TRIQK: variants seen among roughly 807,000 people sequenced by gnomAD.
TRIQK encodes the protein triple QxxK/R motif containing, also known as triple QxxK/R motif-containing protein.
TRIQK carries 10 observed loss-of-function variants against 10.8 expected under a neutral mutation model. The observed-to-expected ratio is 0.92, with a 90% CI of 0.57 to 1.57. The LOEUF (loss-of-function observed/expected upper bound fraction) is 1.57. TRIQK is among the 40% of genes most tolerant of loss of function. The probability of loss-of-function intolerance (pLI) is 0.00; values close to 1 mark genes in which losing one functional copy is unlikely to be tolerated. For synonymous variants in TRIQK, 33 were observed against 33.7 expected, an observed-to-expected ratio of 0.98 and a Z score of 0.07; for missense variants, 107 against 97.7, an observed-to-expected ratio of 1.09 and a Z score of -0.40.
chr8:92,900,460 A>T (rs1456799815), intron 3 of TRIQK, among the ~76,000 whole-genome samples: 1 of 152,126 alleles, frequency 6.6e-6, no homozygotes, highest in East Asian at 1.9e-4. Context: ...CTGAATATAG[A>T]TATCCAGTTT....
intron 3 of TRIQK, among the ~76,000 whole-genome samples, chr8:92,904,294 T>C (rs564755720): frequency 2.8e-4 from 42 of 152,242 alleles, no homozygotes; most frequent in South Asian, 2.3e-3. Context: ...GCTATTTTGT[T>C]AATGAGTGTG....
intron 1 of TRIQK, among the ~76,000 whole-genome samples, chr8:92,995,479 A>G (rs1813144184): frequency 6.6e-6 from 1 of 151,256 alleles, no homozygotes; most frequent in Non-Finnish European, 1.5e-5. Flanking sequence ...GTATTTTTCC[A>G]TTTTTTTCTT....
intron 1 of TRIQK, among the ~76,000 whole-genome samples, chr8:93,000,882 TA>T (rs60359673): frequency 3.8e-3 from 463 of 122,046 alleles, no homozygotes; most frequent in African/African-American, 5.9e-3. Context: ...CACAAAGGAT[TA>T]AAAAAAAAAA....
chr8:92,886,564 G>A lies in TRIQK; in HGVS notation c.*58C>T, dbSNP rs1816487452. On this transcript the variant is annotated 3_prime_UTR_variant, in exon 5 of 5. Coordinates refer to ENST00000521988, the MANE Select transcript of TRIQK (RefSeq NM_001171797.2). ...TTACAGTTTCAGTATTGAAAGTTTT[G>A]GTCCCAAAAGGTGCTTTCGTAAAGT... The A allele has an allele frequency of 2.1e-6, 2 of 974,158 alleles. No individual in the cohort carries two copies. Among genetic ancestry groups the A allele is most frequent in the Non-Finnish European group, 3.0e-6 (2 of 668,412 alleles). The allele number at this position is 974,158 out of a possible 1,614,324, so 60.3% of individuals were successfully genotyped here. A position where few individuals can be genotyped will look rare whatever the true frequency, so the allele number is the denominator to read the frequency against.
rs1254256186 is a variant in TRIQK at position 92,960,965 on chromosome 8, T to A, written c.-181+5042A>T. ...TTTTGTTTTCTCTTACTATCTTCTC[T>A]CTGACACTTCATCACTGTCTGTTAT... On this transcript the variant is annotated intron_variant, in intron 1 of 4. Transcript: ENST00000521988. 2.0e-5 allele frequency among the ~76,000 whole-genome samples: 3 copies of A among 152,328 alleles called. No homozygotes were observed. In the East Asian group the frequency reaches 5.8e-4, roughly 29 times the overall value.
chr8:92,887,804 T>C (rs1816563293), intron 4 of TRIQK, among the ~76,000 whole-genome samples: 1 of 151,698 alleles, frequency 6.6e-6, no homozygotes, highest in African/African-American at 2.4e-5. Flanking sequence ...TTTACATGAA[T>C]GTTGAATTTA....
At chr8:92,943,104 T>A (rs1469510773) in intron 2 of TRIQK, among the ~76,000 whole-genome samples, 2 of 150,378 alleles carry the variant, frequency 1.3e-5, no homozygotes, top group Non-Finnish European at 3.0e-5. Context: ...CACTTAGTAA[T>A]AAATTTAACC....
At chr8:92,898,099 G>A (rs139350495) in intron 3 of TRIQK, among the ~76,000 whole-genome samples, 1 of 152,216 alleles carries the variant, frequency 6.6e-6, no homozygotes, top group East Asian at 1.9e-4. Context: ...CACTAGTAAT[G>A]ATGCTTCAGG....
chr8:92,980,366 G>GGTGT (rs140764225), intron 1 of TRIQK, among the ~76,000 whole-genome samples: 4,603 of 150,560 alleles, frequency 0.031, 109 homozygotes, highest in South Asian at 0.049. Flanking sequence ...GGCATATGGG[G>GGTGT]GTGTGTGTGT....
chr8:92,955,531 A>C (rs754906356), intron 1 of TRIQK, among the ~76,000 whole-genome samples: 2 of 151,782 alleles, frequency 1.3e-5, no homozygotes, highest in Non-Finnish European at 3.0e-5. Context: ...AGTCTCTTAG[A>C]TACAACACCA....
rs569691545 is a variant in TRIQK, at chr8:93,005,610, C to G, written c.-181+11999G>C. Among the ~76,000 whole-genome samples, 30 of 152,078 alleles carry G rather than the reference C, an allele frequency of 2.0e-4. No homozygotes were observed. The South Asian group carries it at 5.0e-3, about 25-fold the overall frequency. On this transcript the variant is annotated intron_variant, in intron 1 of 4. Coordinates refer to the TRIQK transcript ENST00000520686. ...AAGCATTTAACAAAACTCAACATCC[C>G]TTCACAATAAAATCTCTCAACAAAT...
chr8:92,954,037 T>G (rs891753611), intron 2 of TRIQK: 1 of 151,884 alleles, frequency 6.6e-6, no homozygotes, highest in Non-Finnish European at 1.5e-5. Flanking sequence ...AACCAATACA[T>G]AATTATCAAA....
At chr8:92,965,576 T>TA (rs1287645639) in intron 1 of TRIQK, 1 of 152,150 alleles carries the variant, frequency 6.6e-6, no homozygotes, top group Non-Finnish European at 1.5e-5. Flanking sequence ...CGACCGCGAG[T>TA]AATCGGTCAG....
At chr8:92,891,948 A>AT in intron 4 of TRIQK, 41 bp downstream of exon 4, 1 of 1,350,302 alleles carries the variant, frequency 7.4e-7, no homozygotes, top group East Asian at 2.5e-5. Context: ...ATGAAATGGC[A>AT]TGCACATATC....
intron 2 of TRIQK, among the ~76,000 whole-genome samples, chr8:92,946,839 C>T (rs184657877): frequency 6.6e-6 from 1 of 151,254 alleles, no homozygotes; most frequent in African/African-American, 2.4e-5. Flanking sequence ...CGGCTCACTG[C>T]GAGCTCCGCC....
chr8:92,975,916 T>C, intron 1 of TRIQK, among the ~76,000 whole-genome samples: 1 of 152,134 alleles, frequency 6.6e-6, no homozygotes. Flanking sequence ...ATTTCTGATA[T>C]GACTAATGGG....
chr8:92,915,959 ATATT>A (rs545656578), intron 3 of TRIQK, among the ~76,000 whole-genome samples: 1 of 151,878 alleles, frequency 6.6e-6, no homozygotes, highest in Non-Finnish European at 1.5e-5. Context: ...TCAATTATTT[ATATT>A]TATTTTCTGA....
intron 2 of TRIQK, among the ~76,000 whole-genome samples, chr8:92,944,372 CAAAT>C (rs1405242333): frequency 6.7e-6 from 1 of 149,066 alleles, no homozygotes; most frequent in African/African-American, 2.5e-5. Context: ...TATTCAAAAA[CAAAT>C]AAAATCAGTT....
At chr8:92,917,045 A>T (rs1477652591) in intron 2 of TRIQK, 35 bp from the exon 3 acceptor site, 6 of 1,334,452 alleles carry the variant, frequency 4.5e-6, no homozygotes, top group Non-Finnish European at 6.0e-6. Context: ...AAATTTTTTT[A>T]AAAAGGAGTG....
Sources: allele counts gnomAD v4.1 joint callset (sites outside exome capture counted in the v4.1 genomes callset), GRCh38; gene constraint gnomAD v4.1.1; transcripts MANE v1.5; gene names NCBI Gene and HGNC (gene_info 2026-07-23, HGNC 2026-07-21).